Variants in ADAM12 observed in about 807,000 individuals in gnomAD.
ADAM12 encodes the protein disintegrin and metalloproteinase domain-containing protein 12.
In ADAM12, 70 loss-of-function variants were observed where a neutral mutation model predicts 106.4. The observed-to-expected ratio is 0.66, with a 90% CI of 0.54 to 0.80. The LOEUF (loss-of-function observed/expected upper bound fraction) is 0.80, where lower values mean the gene tolerates loss of function less well. Ranked by LOEUF, ADAM12 falls within the 30% of genes least tolerant of loss-of-function variation. The pLI is 0.00. For synonymous variants in ADAM12, 420 were observed against 433.5 expected (o/e 0.97, Z 0.39); for missense variants, 1,010 against 1,171.9 (o/e 0.86, Z 2.02).
At chr10:126,170,377 G>C (rs955595386) in intron 3 of ADAM12, among the ~76,000 whole-genome samples, 12 of 151,638 alleles carry the variant, frequency 7.9e-5, no homozygotes, top group African/African-American at 2.4e-5. Context: ...TCCTCTTGCT[G>C]AGGCTACCAT....
At chr10:126,374,889 G>A (rs148047144) in intron 1 of ADAM12, among the ~76,000 whole-genome samples, 71 of 151,912 alleles carry the variant, frequency 4.7e-4, no homozygotes, top group Non-Finnish European at 8.2e-4. Context: ...AAAAACACAC[G>A]AATAAAATAC....
chr10:126,098,456 A>C lies in ADAM12; in HGVS notation c.956T>G (p.Met319Arg). The C allele has an allele frequency of 6.2e-7, 1 of 1,614,126 alleles. No individual in the cohort carries two copies. The highest frequency in any genetic ancestry group is 8.5e-7 in the Non-Finnish European group (1 of 1,179,996). The change falls in exon 10 of 23, where the codon ATG (methionine) becomes AGG (arginine). Residue 319 changes from methionine to arginine, a missense_variant. Transcript: ENST00000448723. ...QGTTIGMAPI[M>R]SMCTADQSGG... ...AGACTGGTCTGCCGTGCACATGCTC[A>C]TGATTGGGGCCATGCCGATGGTGGT...
At chr10:126,024,642 A>AT (rs1238507478) in intron 21 of ADAM12, among the ~76,000 whole-genome samples, 1 of 152,180 alleles carries the variant, frequency 6.6e-6, no homozygotes, top group Non-Finnish European at 1.5e-5. Flanking sequence ...CCAAGATCTA[A>AT]TGGTAGCAAG....
At chr10:126,087,355 A>G (rs926020567) in intron 11 of ADAM12, among the ~76,000 whole-genome samples, 1 of 152,166 alleles carries the variant, frequency 6.6e-6, no homozygotes, top group Non-Finnish European at 1.5e-5. Flanking sequence ...CCCTCCTGCC[A>G]GTTCATTTTT....
At position 126,307,627 on chromosome 10, in the gene ADAM12, G is replaced by A. The variant is rs1243971854; in HGVS notation, c.186+22785C>T. Among the ~76,000 whole-genome samples the A allele has an allele frequency of 5.3e-5, 8 of 152,110 alleles. No homozygotes were observed. The South Asian group carries it at 1.0e-3, about 20-fold the overall frequency. ...GCGATCTCGGCTCACCACAACCTCC[G>A]CCTCCCAGGTTCAAGCGATTCTCCT... On this transcript the variant is annotated intron_variant, in intron 2 of 22. Transcript: ENST00000448723.
intron 3 of ADAM12, among the ~76,000 whole-genome samples, chr10:126,231,076 T>G (rs1427223555): frequency 6.6e-6 from 1 of 152,226 alleles, no homozygotes; most frequent in Non-Finnish European, 1.5e-5. Context: ...CATTGTCCTG[T>G]AAATGGAAGC....
At chr10:126,034,415 C>CA (rs892312127) in intron 21 of ADAM12, among the ~76,000 whole-genome samples, 22 of 151,052 alleles carry the variant, frequency 1.5e-4, no homozygotes, top group African/African-American at 3.6e-4. Flanking sequence ...TGTAATCATA[C>CA]AAAAAAAATA....
At chr10:126,242,007 C>T (rs770648680) in intron 3 of ADAM12, among the ~76,000 whole-genome samples, 2 of 149,548 alleles carry the variant, frequency 1.3e-5, no homozygotes, top group African/African-American at 2.5e-5. Flanking sequence ...TCCTGACATA[C>T]ATGTTTGGAA....
intron 1 of ADAM12, among the ~76,000 whole-genome samples, chr10:126,335,309 A>G (rs10510152): frequency 0.27 from 41,636 of 152,206 alleles, 5,942 homozygotes; most frequent in Middle Eastern, 0.33. Flanking sequence ...GGAAATCATT[A>G]TCAACACCTA....
chr10:126,107,095 G>A (rs990295868), intron 8 of ADAM12, among the ~76,000 whole-genome samples: 13 of 152,014 alleles, frequency 8.6e-5, no homozygotes, highest in African/African-American at 1.9e-4. Flanking sequence ...GCACACACAC[G>A]TATGAACACA....
At chr10:126,182,896 G>A (rs1360892067) in intron 3 of ADAM12, among the ~76,000 whole-genome samples, 4 of 152,206 alleles carry the variant, frequency 2.6e-5, no homozygotes, top group African/African-American at 9.6e-5. Flanking sequence ...CAAACCCCCG[G>A]GCCACAGACC....
chr10:126,127,610 C>A (rs1956226812), intron 5 of ADAM12, among the ~76,000 whole-genome samples: 1 of 152,188 alleles, frequency 6.6e-6, no homozygotes, highest in African/African-American at 2.4e-5. Context: ...CTATACGTTG[C>A]AGGCACCTCG....
intron 1 of ADAM12, among the ~76,000 whole-genome samples, chr10:126,359,219 G>A (rs1309394622): frequency 6.6e-6 from 1 of 152,074 alleles, no homozygotes; most frequent in Non-Finnish European, 1.5e-5. Flanking sequence ...TTTGGGTGGG[G>A]ACACAGCCAA....
intron 1 of ADAM12, among the ~76,000 whole-genome samples, chr10:126,359,665 G>A (rs961354363): frequency 1.3e-5 from 2 of 152,176 alleles, no homozygotes; most frequent in East Asian, 3.9e-4. Context: ...GCAGGGTACA[G>A]CCTCCCTCCT....
intron 2 of ADAM12, among the ~76,000 whole-genome samples, chr10:126,328,718 C>A (rs565410474): frequency 6.6e-6 from 1 of 152,232 alleles, no homozygotes; most frequent in East Asian, 1.9e-4. Context: ...CCCTACATAA[C>A]GTCACTAACC....
chr10:126,049,199 A>G lies in ADAM12; in HGVS notation c.1917+54T>C, dbSNP rs1443296692. ...GTAACCCAGTTCTTGCTGTTTTTCAATGGGCCCTGTTCCAGACTTACATTT... is the reference window on the plus strand; with the variant it reads ...GTAACCCAGTTCTTGCTGTTTTTCAGTGGGCCCTGTTCCAGACTTACATTT... On this transcript the variant is annotated intron_variant, in intron 16 of 22. Coordinates refer to ENST00000448723, the MANE Select transcript of ADAM12 (RefSeq NM_001288973.2). This position sits in a 1 kb window ranked among gnomAD's most constrained non-coding sequence, Gnocchi z 4.4. The G allele has an allele frequency of 6.9e-6, 11 of 1,598,964 alleles. No homozygotes were observed. The East Asian group carries it at 9.0e-5, about 13-fold the overall frequency.
chr10:126,356,322 G>A (rs1198695602), intron 1 of ADAM12, among the ~76,000 whole-genome samples: 6 of 152,136 alleles, frequency 3.9e-5, no homozygotes, highest in Non-Finnish European at 7.3e-5. Flanking sequence ...CCTAATTACA[G>A]AGTTCAGCTA....
intron 3 of ADAM12, among the ~76,000 whole-genome samples, chr10:126,206,857 G>C (rs952160219): frequency 8.0e-5 from 11 of 137,986 alleles, no homozygotes; most frequent in African/African-American, 3.1e-4. Flanking sequence ...TGTGTTGTGG[G>C]GGCGGGGGGG....
rs1953601019 is a variant in ADAM12 at position 126,013,272 on chromosome 10, C to A, written c.*4007G>T. 6.6e-6 allele frequency: 1 copy of A among 152,238 alleles called. No individual in the cohort carries two copies. The highest frequency in any genetic ancestry group is 1.5e-5 in the Non-Finnish European group (1 of 68,048). 9.4% of individuals were successfully genotyped at this position (152,238 alleles called of 1,614,324 possible). ...TAAGTAGCTTCTGGAAACATCCTCA[C>A]TGCACAGAAATGGTTCTCAGCATGG... is the stretch of plus-strand genomic sequence containing the variant. On this transcript the variant is annotated 3_prime_UTR_variant, in exon 23 of 23. Transcript: ENST00000448723. This position sits in a 1 kb window ranked among gnomAD's most constrained non-coding sequence, Gnocchi z 4.3.
Sources: gnomAD v4.1 joint callset for allele counts (sites outside exome capture counted in the v4.1 genomes callset) on GRCh38, gnomAD v4.1.1 for gene constraint, Gnocchi (gnomAD v3.1) non-coding constraint, MANE v1.5 for transcripts, NCBI Gene and HGNC (gene_info 2026-07-23, HGNC 2026-07-21) for gene names.